Variants in SELENOI observed in about 807,000 individuals in gnomAD.
SELENOI encodes the protein ethanolaminephosphotransferase 1.
A neutral mutation model predicts 50.7 loss-of-function variants in SELENOI; 24 were observed. The observed-to-expected ratio is 0.47, with a 90% CI of 0.34 to 0.67. The LOEUF is 0.67. Ranked by LOEUF, SELENOI falls within the 30% of genes least tolerant of loss-of-function variation. SELENOI has a pLI of 0.01. For missense variants in SELENOI, 352 were observed against 461.4 expected, an observed-to-expected ratio of 0.76 and a Z score of 2.17; for synonymous variants, 155 against 170.2, an observed-to-expected ratio of 0.91 and a Z score of 0.70.
intron 1 of SELENOI, among the ~76,000 whole-genome samples, chr2:26,353,196 A>G (rs1431147796): frequency 6.6e-6 from 1 of 152,144 alleles, no homozygotes; most frequent in East Asian, 1.9e-4. Flanking sequence ...GAAACAGCAT[A>G]CTGTTTTATA....
At chr2:26,359,926 T>C (rs555200970) in intron 1 of SELENOI, among the ~76,000 whole-genome samples, 2 of 152,248 alleles carry the variant, frequency 1.3e-5, no homozygotes, top group South Asian at 2.1e-4. Flanking sequence ...CTCTGAGGTT[T>C]TTCATGGAAC....
intron 4 of SELENOI, 84 bp from the exon 5 acceptor site, chr2:26,373,283 G>T: frequency 6.8e-7 from 1 of 1,468,148 alleles, no homozygotes; most frequent in Non-Finnish European, 9.1e-7. Context: ...GATTTGTTTT[G>T]TTTTTTCCTC....
intron 4 of SELENOI, among the ~76,000 whole-genome samples, chr2:26,370,024 T>A (rs1361113709): frequency 6.7e-6 from 1 of 150,186 alleles, no homozygotes; most frequent in Non-Finnish European, 1.5e-5. Context: ...AGCGTTTGTG[T>A]CCCTGGGTAC....
chr2:26,389,056 C>T lies in SELENOI; in HGVS notation c.1147C>T (p.Pro383Ser). The stretch of plus-strand genomic sequence containing the variant: ...GATTTACCCCTTCTCATTGAGGAAA[C>T]CAAACTCAGATTGACTAGGAATGGA... ...FQIYPFSLRK[P>S]NSDULGMEEK... Residue 383 changes from proline (P) to serine (S), a missense_variant, in exon 10 of 10, where the codon CCA becomes TCA. By Grantham distance (74) the Pro-to-Ser change is moderately conservative. Transcript: ENST00000260585. The T allele has an allele frequency of 6.3e-7, 1 of 1,589,226 alleles. No homozygotes were observed. The highest frequency in any genetic ancestry group is 8.6e-7 in the Non-Finnish European group (1 of 1,166,568).
At position 26,367,237 on chromosome 2, in the gene SELENOI, T is replaced by C. The variant is rs764077365; in HGVS notation, c.310+17T>C. The C allele has an allele frequency of 3.1e-5, 50 of 1,589,250 alleles. No homozygotes were observed. Among genetic ancestry groups the C allele is most frequent in the East Asian group, 2.9e-4 (13 of 44,476 alleles). On this transcript the variant is annotated intron_variant, in intron 4 of 9. Transcript: ENST00000260585. ...ACACTCTAGGTAAGGAATTGGTAAA[T>C]ACTTACTATAGTCAGTGACTGGTGA...
At chr2:26,349,234 G>A (rs1676898157) in intron 1 of SELENOI, among the ~76,000 whole-genome samples, 2 of 150,328 alleles carry the variant, frequency 1.3e-5, no homozygotes, top group East Asian at 2.0e-4. Context: ...GGCTGGTCTC[G>A]AACTCCCAAC....
intron 5 of SELENOI, 84 bp downstream of exon 5, chr2:26,373,713 G>C: frequency 1.4e-6 from 2 of 1,407,896 alleles, no homozygotes; most frequent in Non-Finnish European, 1.9e-6. Context: ...ATTGCTCTTA[G>C]GCTTTTTTGA....
intron 4 of SELENOI, among the ~76,000 whole-genome samples, chr2:26,371,836 G>C (rs889073756): frequency 6.6e-6 from 1 of 152,182 alleles, no homozygotes; most frequent in Non-Finnish European, 1.5e-5. Flanking sequence ...GGCTCGGCAT[G>C]AGAGGGAGAC....
At chr2:26,371,241 A>C (rs1230067881) in intron 4 of SELENOI, among the ~76,000 whole-genome samples, 2 of 142,030 alleles carry the variant, frequency 1.4e-5, no homozygotes, top group African/African-American at 5.4e-5. Context: ...CCAGGCGGAG[A>C]GGCTCCTCAC....
rs1307501918 is a variant in SELENOI at position 26,394,893 on chromosome 2, A to T, written c.*5790A>T. ...GAATTGTTTAGCTTGGTCCTGTTGC[A>T]GTTGGCTTTCTGTAGTGTTCTGAAA... On this transcript the variant is annotated 3_prime_UTR_variant, in exon 10 of 10. Coordinates refer to ENST00000260585, the MANE Select transcript of SELENOI (RefSeq NM_033505.4). The surrounding 1 kb of genome is among the most constrained non-coding windows in gnomAD (Gnocchi z 4.1). 6.6e-6 allele frequency: 1 copy of T among 152,232 alleles called. No homozygotes were observed. Among genetic ancestry groups the T allele is most frequent in the Non-Finnish European group, 1.5e-5 (1 of 68,052 alleles). 9.4% of individuals were successfully genotyped at this position (152,232 alleles called of 1,614,324 possible).
At chr2:26,375,013 A>G in intron 5 of SELENOI, 27 bp from the exon 6 acceptor site, 1 of 1,481,060 alleles carries the variant, frequency 6.8e-7, no homozygotes, top group Non-Finnish European at 9.4e-7. Flanking sequence ...ATGCTTCTGT[A>G]TGCTTTTGTC....
chr2:26,354,877 C>A (rs1677034662), intron 1 of SELENOI, among the ~76,000 whole-genome samples: 1 of 152,162 alleles, frequency 6.6e-6, no homozygotes, highest in South Asian at 2.1e-4. Context: ...ACTAGTCTTG[C>A]ATTTAGTTGA....
intron 3 of SELENOI, among the ~76,000 whole-genome samples, chr2:26,366,864 A>T (rs1264231530): frequency 6.6e-6 from 1 of 152,240 alleles, no homozygotes; most frequent in Non-Finnish European, 1.5e-5. Context: ...TTTTCATTGT[A>T]GGCGCATGAA....
At chr2:26,377,866 AT>A (rs796939317) in intron 6 of SELENOI, among the ~76,000 whole-genome samples, 44 of 149,292 alleles carry the variant, frequency 2.9e-4, no homozygotes, top group East Asian at 9.8e-4. Context: ...ATACCTAGCA[AT>A]TTTTTTTTTG....
At chr2:26,368,752 T>C (rs1380610940) in intron 4 of SELENOI, among the ~76,000 whole-genome samples, 2 of 152,224 alleles carry the variant, frequency 1.3e-5, no homozygotes, top group African/African-American at 2.4e-5. Context: ...AATTAATACA[T>C]AGTTATGAAT....
chr2:26,386,217 T>C, intron 8 of SELENOI, 137 bp from the exon 9 acceptor site: 2 of 895,232 alleles, frequency 2.2e-6, no homozygotes, highest in Non-Finnish European at 3.4e-6. Flanking sequence ...CATTGAGAAC[T>C]TCTGAACTTA....
chr2:26,384,961 G>T lies in SELENOI; in HGVS notation c.734G>T (p.Ser245Ile). ...LPMSLLNFFR[S>I]YKNNTLKLNS... ...TATTACTTGATTTTTTTTTCCAGAA[G>T]CTATAAAAATAACACCTTGAAACTC... The change falls in exon 8 of 10, where the codon AGC becomes ATC. Residue 245 changes from serine to isoleucine, a missense_variant and splice_region_variant. By Grantham distance (142) the Ser-to-Ile change is moderately radical. Coordinates refer to ENST00000260585, the MANE Select transcript of SELENOI (RefSeq NM_033505.4). 1.3e-6 allele frequency: 2 copies of T among 1,595,366 alleles called. No homozygotes were observed. The highest frequency in any genetic ancestry group is 3.6e-5 in the Admixed American group (2 of 55,784).
Position 26,346,207 on chromosome 2 carries a change from A to G in SELENOI, c.-26A>G. ...GCCTTGTAGCCGGGAGTCGCTGCCG[A>G]GTGGGCGCTCAGTTTTCGGGTCGTC... On this transcript the variant is annotated 5_prime_UTR_variant, in exon 1 of 10. Coordinates refer to ENST00000260585, the MANE Select transcript of SELENOI (RefSeq NM_033505.4). The G allele has an allele frequency of 6.2e-7, 1 of 1,613,488 alleles. No homozygotes were observed. The highest frequency in any genetic ancestry group is 8.5e-7 in the Non-Finnish European group (1 of 1,179,660).
intron 1 of SELENOI, among the ~76,000 whole-genome samples, chr2:26,353,912 G>A (rs929470157): frequency 5.9e-5 from 9 of 152,030 alleles, no homozygotes; most frequent in African/African-American, 1.7e-4. Context: ...CGGGAAACTC[G>A]GGGAAAGGTG....
Sources: gnomAD v4.1 joint callset for allele counts (sites outside exome capture counted in the v4.1 genomes callset) on GRCh38, gnomAD v4.1.1 for gene constraint, Gnocchi (gnomAD v3.1) non-coding constraint, MANE v1.5 for transcripts, NCBI Gene and HGNC (gene_info 2026-07-23, HGNC 2026-07-21) for gene names.